Variants in SGK1 observed in about 807,000 individuals in gnomAD.
The protein encoded by SGK1 is serum/glucocorticoid regulated kinase 1.
In SGK1, 26 loss-of-function variants were observed where a neutral mutation model predicts 64.2. That is an observed-to-expected ratio of 0.40 (90% CI 0.30 to 0.56). The LOEUF (loss-of-function observed/expected upper bound fraction) is 0.56, where lower values mean the gene tolerates loss of function less well. Among genes scored for constraint, SGK1 ranks in the 20% least tolerant of loss-of-function variants. The pLI, the probability that SGK1 is intolerant of heterozygous loss-of-function variation, is 0.38. For missense variants in SGK1, 519 were observed against 645.6 expected (o/e 0.80, Z 2.12); for synonymous variants, 265 against 239.7 (o/e 1.11, Z -0.98).
intron 3 of SGK1, among the ~76,000 whole-genome samples, chr6:134,178,999 C>A (rs1562242018): frequency 1.3e-5 from 2 of 151,848 alleles, no homozygotes; most frequent in African/African-American, 4.8e-5. Flanking sequence ...TTTTTTATTT[C>A]TTTATTTGTC....
intron 3 of SGK1, among the ~76,000 whole-genome samples, chr6:134,183,960 C>G (rs576503659): frequency 1.3e-5 from 2 of 150,362 alleles, no homozygotes; most frequent in African/African-American, 4.9e-5. Context: ...GAAGGCCAGG[C>G]AGCACAATTT....
At position 134,172,255 on chromosome 6, in the gene SGK1, C is replaced by T; in HGVS notation, c.1009G>A (p.Gly337Arg). The change falls in exon 10 of 14, where the codon GGA (glycine) becomes AGA (arginine). Residue 337 changes from glycine (G) to arginine (R), a missense_variant. Transcript: ENST00000367858. ...TGTTCAATGTTCTCCTTGCAGAGTC[C>T]GAAGTCAGTAAGGACAATGTGTCCC... ...SQGHIVLTDF[G>R]LCKENIEHNS... 6.2e-7 allele frequency: 1 copy of T among 1,614,032 alleles called. No homozygotes were observed. The highest frequency in any genetic ancestry group is 1.1e-5 in the South Asian group (1 of 91,070).
intron 2 of SGK1, among the ~76,000 whole-genome samples, chr6:134,222,337 CTT>C (rs754592511): frequency 9.3e-5 from 13 of 139,530 alleles, no homozygotes; most frequent in Admixed American, 2.2e-4. Flanking sequence ...GAAAAAATTG[CTT>C]TTTTTTTTTT....
At chr6:134,172,096 AGAG>A (rs1775046228) in intron 10 of SGK1, 94 bp downstream of exon 10, 3 of 1,332,358 alleles carry the variant, frequency 2.3e-6, no homozygotes, top group Middle Eastern at 1.9e-4. Flanking sequence ...GAAGTCTCTG[AGAG>A]GAGTTTACTC....
At position 134,262,232 on chromosome 6, in the gene SGK1, G is replaced by A. The variant is rs2114748934; in HGVS notation, c.70-84C>T. 5 of 972,622 alleles carry A rather than the reference G, an allele frequency of 5.1e-6. No homozygotes were observed. In the South Asian group the frequency reaches 8.3e-5, roughly 16 times the overall value. The allele number at this position is 972,622 out of a possible 1,614,324, so 60.2% of individuals were successfully genotyped here. A position where few individuals can be genotyped will look rare whatever the true frequency, so the allele number is the denominator to read the frequency against. ...GGGGATTTGGTGGGAAATCTGGTGG[G>A]ATGGGAGCTCATGAAAGGAGAACTC... On this transcript the variant is annotated intron_variant, in intron 1 of 13. Coordinates refer to ENST00000367858, the MANE Select transcript of SGK1 (RefSeq NM_001143676.3).
At chr6:134,212,608 A>T (rs1775910312) in intron 2 of SGK1, among the ~76,000 whole-genome samples, 1 of 152,122 alleles carries the variant, frequency 6.6e-6, no homozygotes, top group Non-Finnish European at 1.5e-5. Flanking sequence ...AGGGTTAGAT[A>T]ATAGTCACAA....
At chr6:134,233,649 C>T (rs904797315) in intron 2 of SGK1, among the ~76,000 whole-genome samples, 25 of 152,052 alleles carry the variant, frequency 1.6e-4, no homozygotes, top group African/African-American at 4.1e-4. Context: ...TCATTTTCAC[C>T]CTGCTTTCCA....
At chr6:134,297,166 C>T in intron 1 of SGK1, 1 of 659,556 alleles carries the variant, frequency 1.5e-6, no homozygotes, top group Non-Finnish European at 2.8e-6. Flanking sequence ...AGACCACCTG[C>T]ATAGCCGCTG....
At chr6:134,288,780 C>G (rs949196631) in intron 1 of SGK1, among the ~76,000 whole-genome samples, 2 of 152,122 alleles carry the variant, frequency 1.3e-5, no homozygotes, top group African/African-American at 4.8e-5. Flanking sequence ...TTTCTATACT[C>G]TTAGTAATTT....
intron 3 of SGK1, among the ~76,000 whole-genome samples, chr6:134,196,666 C>G (rs1415251842): frequency 6.6e-6 from 1 of 152,076 alleles, no homozygotes; most frequent in African/African-American, 2.4e-5. Flanking sequence ...GGTCAGTTGA[C>G]TAAAAGAGAT....
chr6:134,246,221 T>C (rs1776522490), intron 2 of SGK1, among the ~76,000 whole-genome samples: 2 of 152,064 alleles, frequency 1.3e-5, no homozygotes, highest in East Asian at 3.8e-4. Context: ...CTATCTCGGC[T>C]CACTGCAACC....
chr6:134,187,245 G>A (rs890988124), intron 3 of SGK1, among the ~76,000 whole-genome samples: 1 of 152,174 alleles, frequency 6.6e-6, no homozygotes, highest in East Asian at 1.9e-4. Flanking sequence ...GGATCCCAAA[G>A]TGGCTGGGTG....
At chr6:134,304,638 G>A (rs1259336888) in intron 1 of SGK1, among the ~76,000 whole-genome samples, 2 of 151,954 alleles carry the variant, frequency 1.3e-5, no homozygotes, top group African/African-American at 4.8e-5. Context: ...GAAGTTCAAG[G>A]TTAAAGTGAG....
At chr6:134,220,802 C>A (rs1394469704) in intron 2 of SGK1, among the ~76,000 whole-genome samples, 1 of 150,788 alleles carries the variant, frequency 6.6e-6, no homozygotes, top group Non-Finnish European at 1.5e-5. Flanking sequence ...GCCAACATGG[C>A]AAAACGCCAT....
chr6:134,213,028 A>G (rs1327107836), intron 2 of SGK1, among the ~76,000 whole-genome samples: 2 of 152,196 alleles, frequency 1.3e-5, no homozygotes, highest in Admixed American at 6.5e-5. Context: ...CTGTGTCATT[A>G]TCATACAAGT....
chr6:134,280,683 C>T (rs1777080752), intron 1 of SGK1, among the ~76,000 whole-genome samples: 2 of 152,130 alleles, frequency 1.3e-5, no homozygotes, highest in Non-Finnish European at 2.9e-5. Flanking sequence ...TAATGCCAAG[C>T]ACAGTATCTT....
chr6:134,171,681 A>AG lies in SGK1; in HGVS notation c.1122dup (p.Trp375LeufsTer10). The AG allele has an allele frequency of 6.2e-7, 1 of 1,614,096 alleles. No individual in the cohort carries two copies. The highest frequency in any genetic ancestry group is 1.1e-5 in the South Asian group (1 of 91,082). On this transcript the variant is annotated frameshift_variant, in exon 11 of 14. Transcript: ENST00000367858. LOFTEE classifies it high-confidence loss of function. The stretch of plus-strand genomic sequence containing the variant: ...TACAAGACAGCTCCCAGGCACCACC[A>AG]GTCCACAGTCCTGTCATAAGGCTGC...
intron 3 of SGK1, among the ~76,000 whole-genome samples, chr6:134,181,895 TCA>T (rs1405421884): frequency 2.6e-5 from 4 of 152,140 alleles, no homozygotes; most frequent in Non-Finnish European, 1.5e-5. Context: ...TCTCACTTCA[TCA>T]CCCAGGCTGA....
intron 1 of SGK1, among the ~76,000 whole-genome samples, chr6:134,270,869 T>C (rs1041648276): frequency 1.4e-5 from 2 of 147,534 alleles, no homozygotes; most frequent in South Asian, 4.5e-4. Flanking sequence ...AAGTATAAAG[T>C]CTCCCTCCTC....
Sources: allele counts gnomAD v4.1 joint callset (sites outside exome capture counted in the v4.1 genomes callset), GRCh38; gene constraint gnomAD v4.1.1; transcripts MANE v1.5; gene names NCBI Gene and HGNC (gene_info 2026-07-23, HGNC 2026-07-21).